SPTBN5: variants seen among roughly 807,000 people sequenced by gnomAD.
SPTBN5 encodes spectrin beta, non-erythrocytic 5.
A neutral mutation model predicts 477.6 loss-of-function variants in SPTBN5; 513 were observed. The observed-to-expected ratio is 1.07, with a 90% CI of 1.00 to 1.16. SPTBN5 has a LOEUF of 1.16. Among genes scored for constraint, SPTBN5 ranks in the 50% most tolerant of loss-of-function variants. SPTBN5 has a pLI of 0.00. For missense variants in SPTBN5, 5,062 were observed against 4,731.8 expected (o/e 1.07, Z -2.05); for synonymous variants, 2,169 against 2,011.7 (o/e 1.08, Z -2.09).
At chr15:41,850,230 A>T (rs2065706450) in intron 66 of SPTBN5, 1 of 467,544 alleles carries the variant, frequency 2.1e-6, no homozygotes, top group Admixed American at 3.4e-5. Flanking sequence ...AATGTCGAAC[A>T]ACTCAAGATC....
At chr15:41,853,186 A>AGGGGCCCT (rs1194935566) in intron 59 of SPTBN5, 72 bp downstream of exon 59, 54 of 1,520,914 alleles carry the variant, frequency 3.6e-5, no homozygotes, top group Non-Finnish European at 4.8e-5. Flanking sequence ...CATGCCTGTG[A>AGGGGCCCT]GGGGCCCTGA....
In SPTBN5 at chr15:41,851,541, AG is replaced by A. The variant is rs1460199724; in HGVS notation, c.10657-173del. On this transcript the variant is annotated intron_variant, in intron 63 of 67. Transcript: ENST00000320955. The stretch of plus-strand genomic sequence containing the variant: ...GGGCTCTGACGGGAAACCAAGCAGA[AG>A]GGGAAGAGCAGGTGGGGAGGAGGAA... 5.4e-5 allele frequency among the ~76,000 whole-genome samples: 6 copies of A among 111,018 alleles called. No homozygotes were observed. In the Admixed American group the frequency reaches 6.3e-4, roughly 12 times the overall value. The allele number at this position is 111,018 out of a possible 152,430, so 72.8% of individuals were successfully genotyped here. A position where few individuals can be genotyped will look rare whatever the true frequency, so the allele number is the denominator to read the frequency against.
chr15:41,891,265 C>T (rs1031273305), intron 3 of SPTBN5, among the ~76,000 whole-genome samples: 1 of 152,182 alleles, frequency 6.6e-6, no homozygotes, highest in Non-Finnish European at 1.5e-5. Flanking sequence ...TGAGACTTTC[C>T]ATAAGACCTG....
Position 41,854,193 on chromosome 15 carries a change from C to T in SPTBN5, c.9631G>A (p.Ala3211Thr). The change falls in exon 57 of 68, where the codon GCC becomes ACC. Residue 3211 changes from alanine to threonine, a missense_variant. By Grantham distance (58) the Ala-to-Thr change is moderately conservative (BLOSUM62 0). Transcript: ENST00000320955. ...TGCTGAAAGCTGTGGACCTCATGGGCTGCAGCCAAGTTCTGGGAGAGGAGA... is the reference window on the plus strand; with the variant it reads ...TGCTGAAAGCTGTGGACCTCATGGGTTGCAGCCAAGTTCTGGGAGAGGAGA... The part of the protein sequence containing the change: ...IKARTENLAA[A>T]HEVHSFQQAA... 6.3e-7 allele frequency: 1 copy of T among 1,598,952 alleles called. No individual in the cohort carries two copies. The highest frequency in any genetic ancestry group is 8.5e-7 in the Non-Finnish European group (1 of 1,173,062).
intron 32 of SPTBN5, among the ~76,000 whole-genome samples, chr15:41,869,326 T>C (rs1398712383): frequency 2.6e-5 from 4 of 152,214 alleles, no homozygotes; most frequent in Non-Finnish European, 4.4e-5. Context: ...CCCAGGACAG[T>C]GGGATGCCGG....
Position 41,870,462 on chromosome 15 carries a change from A to C in SPTBN5, c.5546T>G (p.Val1849Gly). 6.2e-7 allele frequency: 1 copy of C among 1,613,336 alleles called. No individual in the cohort carries two copies. Among genetic ancestry groups the C allele is most frequent in the Non-Finnish European group, 8.5e-7 (1 of 1,179,742 alleles). Residue 1849 changes from valine to glycine, a missense_variant, in exon 30 of 68, where the codon GTC (valine) becomes GGC (glycine). Val to Gly is a moderately radical substitution (Grantham distance 109). Coordinates refer to ENST00000320955, the MANE Select transcript of SPTBN5 (RefSeq NM_016642.4). ...GGCTCACACCTGGACCTGGGTGAGG[A>C]CTTCCAAGAGATCTCTGTGAACTCT... Reference protein sequence around the residue: ...TLRVHRDLLEVLTQVQEKATS... With the variant: ...TLRVHRDLLEGLTQVQEKATS...
chr15:41,890,646 C>T (rs2067281308), intron 3 of SPTBN5, among the ~76,000 whole-genome samples: 1 of 152,234 alleles, frequency 6.6e-6, no homozygotes, highest in Non-Finnish European at 1.5e-5. Context: ...GGCTCACACC[C>T]AAATCTCAGC....
chr15:41,868,772 C>T (rs1428884924), intron 32 of SPTBN5, among the ~76,000 whole-genome samples, 171 bp from the exon 33 acceptor site: 3 of 152,214 alleles, frequency 2.0e-5, no homozygotes, highest in South Asian at 2.1e-4. Flanking sequence ...TTTCTCCGTT[C>T]TCATCCAACC....
At chr15:41,877,058 G>A in intron 18 of SPTBN5, 58 bp downstream of exon 18, 2 of 1,605,850 alleles carry the variant, frequency 1.2e-6, no homozygotes, top group Non-Finnish European at 1.7e-6. Context: ...GACTCAAGGG[G>A]ATGAGCTCCC....
chr15:41,865,804 T>G lies in SPTBN5; in HGVS notation c.6918+4A>C. ...CCAACCTCTACCCAGCAAGGCCCTC[T>G]TACCCCGGCCGAGTTTCCTCGGAAC... is the stretch of plus-strand genomic sequence containing the variant. On this transcript the variant is annotated splice_donor_region_variant and intron_variant, in intron 39 of 67. Coordinates refer to ENST00000320955, the MANE Select transcript of SPTBN5 (RefSeq NM_016642.4). 1 of 1,555,720 alleles carries G rather than the reference T, an allele frequency of 6.4e-7. No individual in the cohort carries two copies. The highest frequency in any genetic ancestry group is 1.2e-5 in the South Asian group (1 of 84,244).
At chr15:41,875,121 G>T in intron 22 of SPTBN5, 65 bp from the exon 23 acceptor site, 2 of 1,448,988 alleles carry the variant, frequency 1.4e-6, no homozygotes, top group Non-Finnish European at 1.9e-6. Context: ...GCCTTCCCGG[G>T]CTCTGGGACT....
intron 14 of SPTBN5, 139 bp from the exon 15 acceptor site, chr15:41,880,003 G>A: frequency 7.0e-7 from 1 of 1,418,712 alleles, no homozygotes. Context: ...AGCCATCCGA[G>A]TCCTTAAGGG....
At chr15:41,858,825 G>C (rs1829632686) in intron 48 of SPTBN5, 65 bp downstream of exon 48, 1 of 1,551,286 alleles carries the variant, frequency 6.4e-7, no homozygotes, top group South Asian at 1.2e-5. Context: ...CCAGAGGAAG[G>C]GTGGCCTTTC....
At chr15:41,860,484 G>A (rs2066068431) in intron 47 of SPTBN5, 102 bp downstream of exon 47, 9 of 1,250,230 alleles carry the variant, frequency 7.2e-6, no homozygotes, top group East Asian at 3.1e-5. Context: ...CAAGGCTGGT[G>A]AGCCTGGGCC....
rs750486912 is a variant in SPTBN5, at chr15:41,869,876, C to T, written c.5818G>A (p.Glu1940Lys). The change falls in exon 32 of 68, where the codon GAG (glutamate) becomes AAG (lysine). Residue 1940 changes from glutamate (E) to lysine (K), a missense_variant. Glu to Lys is a moderately conservative substitution (Grantham distance 56). Transcript: ENST00000320955. ...AAGCGGGCCAGGAGGCGTGCCCGCT[C>T]CAGCTGGGCCCTGCGCTGCTCCATG... Reference protein sequence around the residue: ...RRMEQRRAQLERARLLARFRT... With the variant: ...RRMEQRRAQLKRARLLARFRT... The T allele has an allele frequency of 6.4e-7, 1 of 1,552,670 alleles. No homozygotes were observed. Among genetic ancestry groups the T allele is most frequent in the Non-Finnish European group, 8.6e-7 (1 of 1,158,696 alleles).
intron 3 of SPTBN5, among the ~76,000 whole-genome samples, chr15:41,891,425 AC>A (rs1307949320): frequency 1.3e-5 from 2 of 152,082 alleles, no homozygotes; most frequent in Non-Finnish European, 2.9e-5. Context: ...CATGTCAATC[AC>A]CTTGGCTTAG....
chr15:41,874,251 A>G, intron 24 of SPTBN5, 41 bp downstream of exon 24: 1 of 1,578,700 alleles, frequency 6.3e-7, no homozygotes, highest in South Asian at 1.2e-5. Context: ...AGGTCTGGGA[A>G]GCGGATGTCG....
rs201364721 is a variant in SPTBN5 at position 41,868,749 on chromosome 15, C to CT, written c.5854-149dup. 497 of 693,554 alleles carry CT rather than the reference C, an allele frequency of 7.2e-4. 3 individuals carry two copies. In the East Asian group the frequency reaches 0.012, roughly 16 times the overall value. 43.0% of individuals were successfully genotyped at this position (693,554 alleles called of 1,614,324 possible). ...GGCCTCGGGTGAGGCACATGTGGCC[C>CT]TTTGTCACTTGGTTTCTCCGTTCTC... On this transcript the variant is annotated intron_variant, in intron 32 of 67. Coordinates refer to ENST00000320955, the MANE Select transcript of SPTBN5 (RefSeq NM_016642.4).
chr15:41,879,748 C>G lies in SPTBN5; in HGVS notation c.2928G>C (p.Glu976Asp), dbSNP rs375076030. The G allele has an allele frequency of 7.4e-6, 12 of 1,613,810 alleles. No homozygotes were observed. In the African/African-American group the frequency reaches 1.5e-4, roughly 20 times the overall value. ...CTCATTCTCACCTCTGGCTCAGTTC[C>G]TCCTGCTGTCGTTGGATTTGTGTGG... ...GNSTQIQRQQ[E>D]ELSQRWGQLE... The change falls in exon 15 of 68, where the codon GAG (glutamate) becomes GAC (aspartate). Residue 976 changes from glutamate (E) to aspartate (D), a missense_variant. Transcript: ENST00000320955.
Sources: gnomAD v4.1 joint callset for allele counts (sites outside exome capture counted in the v4.1 genomes callset) on GRCh38, gnomAD v4.1.1 for gene constraint, MANE v1.5 for transcripts, NCBI Gene and HGNC (gene_info 2026-07-23, HGNC 2026-07-21) for gene names.